The following SHROOM4 variants were observed in gnomAD, a reference collection of about 807,000 sequenced individuals.
SHROOM4 encodes the protein shroom family member 4, also known as protein Shroom4.
SHROOM4 carries 17 observed loss-of-function variants against 80.3 expected under a neutral mutation model. The ratio of observed to expected loss-of-function variants is 0.21; its 90% CI spans 0.14 to 0.32. The LOEUF (loss-of-function observed/expected upper bound fraction) is 0.32, where lower values mean the gene tolerates loss of function less well. Among genes scored for constraint, SHROOM4 ranks in the 10% least tolerant of loss-of-function variants. The pLI is 1.00. For missense variants in SHROOM4, 993 were observed against 1,140.3 expected (o/e 0.87, Z 1.86); for synonymous variants, 400 against 437.5 (o/e 0.91, Z 1.07).
At position 50,590,381 on chromosome X, in the gene SHROOM4, G is replaced by C. The variant is rs1483218738; in HGVS notation, c.*6314C>G. On this transcript the variant is annotated 3_prime_UTR_variant, in exon 9 of 9. Coordinates refer to ENST00000376020, the MANE Select transcript of SHROOM4 (RefSeq NM_020717.5). ...CCTGCCTCAGCCTCCCGACTAGCTG[G>C]GACTACAGGCACCTGCCACCATGCC... Among the ~76,000 whole-genome samples the C allele has an allele frequency of 1.8e-5, 2 of 110,988 alleles. No homozygotes were observed. The highest frequency in any genetic ancestry group is 6.6e-5 in the African/African-American group (2 of 30,447).
chrX:50,642,529 A>T (rs1293475309), intron 2 of SHROOM4, among the ~76,000 whole-genome samples: 1 of 111,882 alleles, frequency 8.9e-6, no homozygotes, highest in Non-Finnish European at 1.9e-5. Context: ...ACTCATAGCT[A>T]ACTGCAACCT....
intron 1 of SHROOM4, among the ~76,000 whole-genome samples, chrX:50,779,825 G>T (rs1487615520): frequency 8.9e-6 from 1 of 111,798 alleles, no homozygotes; most frequent in African/African-American, 3.3e-5. Context: ...ATAATGCTTG[G>T]GATTAGGGCC....
At chrX:50,781,610 A>G (rs782218850) in intron 1 of SHROOM4, among the ~76,000 whole-genome samples, 1 of 110,665 alleles carries the variant, frequency 9.0e-6, no homozygotes, top group Non-Finnish European at 1.9e-5. Flanking sequence ...GCTCCAAGCT[A>G]TCAGCTCCGA....
intron 1 of SHROOM4, among the ~76,000 whole-genome samples, chrX:50,728,797 G>C (rs782753317): frequency 8.9e-6 from 1 of 111,993 alleles, no homozygotes. Flanking sequence ...AAAGTAAAGA[G>C]TCTAACTGAC....
Position 50,588,936 on chromosome X carries a change from G to C in SHROOM4, c.*7759C>G, listed in dbSNP as rs1928810194. 8.9e-6 allele frequency among the ~76,000 whole-genome samples: 1 copy of C among 111,962 alleles called. No homozygotes were observed. Among genetic ancestry groups the C allele is most frequent in the Admixed American group, 9.5e-5 (1 of 10,539 alleles). The stretch of plus-strand genomic sequence containing the variant: ...ATTAAGGTGACACAGTAAATTGGTA[G>C]AATCAGGATTTAAAACTTGGTTTAT... On this transcript the variant is annotated 3_prime_UTR_variant, in exon 9 of 9. Transcript: ENST00000376020.
Position 50,589,277 on chromosome X carries a change from T to G in SHROOM4, c.*7418A>C, listed in dbSNP as rs1451886928. On this transcript the variant is annotated 3_prime_UTR_variant, in exon 9 of 9. Coordinates refer to ENST00000376020, the MANE Select transcript of SHROOM4 (RefSeq NM_020717.5). ...CTGATGGAAATAATCAATAGCTTTT[T>G]TAAAAAAACACACTTATTGAGAAAT... 8.9e-6 allele frequency among the ~76,000 whole-genome samples: 1 copy of G among 112,127 alleles called. No individual in the cohort carries two copies. Among genetic ancestry groups the G allele is most frequent in the Non-Finnish European group, 1.9e-5 (1 of 53,236 alleles).
At chrX:50,733,245 T>C (rs1934410406) in intron 1 of SHROOM4, among the ~76,000 whole-genome samples, 1 of 112,004 alleles carries the variant, frequency 8.9e-6, no homozygotes, top group East Asian at 2.8e-4. Context: ...TAACATGGAA[T>C]AGAAGAGAAC....
At chrX:50,813,234 G>A (rs1936386787) in intron 1 of SHROOM4, among the ~76,000 whole-genome samples, 1 of 111,298 alleles carries the variant, frequency 9.0e-6, no homozygotes, top group Non-Finnish European at 1.9e-5. Context: ...GCGCTCCATG[G>A]CGCAAGTTTC....
At chrX:50,730,782 GAAA>G (rs11352904) in intron 1 of SHROOM4, among the ~76,000 whole-genome samples, 3 of 96,946 alleles carry the variant, frequency 3.1e-5, no homozygotes, top group South Asian at 4.9e-4. Flanking sequence ...CTCAGAAAAA[GAAA>G]AAAAAAAAAA....
At chrX:50,769,421 C>T (rs1378177510) in intron 1 of SHROOM4, among the ~76,000 whole-genome samples, 1 of 111,947 alleles carries the variant, frequency 8.9e-6, no homozygotes, top group South Asian at 3.8e-4. Flanking sequence ...AATCATTAGG[C>T]GTCGCAGGCC....
At chrX:50,641,026 A>C (rs1323370981) in intron 2 of SHROOM4, among the ~76,000 whole-genome samples, 2 of 112,558 alleles carry the variant, frequency 1.8e-5, no homozygotes, top group African/African-American at 6.5e-5. Flanking sequence ...AATCATAGTT[A>C]TGACTATGAC....
intron 1 of SHROOM4, among the ~76,000 whole-genome samples, chrX:50,813,160 TGGCGGC>T (rs781798597): frequency 2.9e-5 from 3 of 101,996 alleles, no homozygotes; most frequent in Non-Finnish European, 6.0e-5. Flanking sequence ...GCGGCGGCAG[TGGCGGC>T]GGCGGCGGCG....
intron 2 of SHROOM4, among the ~76,000 whole-genome samples, chrX:50,669,487 G>C (rs1557260617): frequency 9.1e-6 from 1 of 110,496 alleles, no homozygotes; most frequent in Non-Finnish European, 1.9e-5. Flanking sequence ...TTTTTGTAGA[G>C]TTGGGGTTTC....
At chrX:50,682,562 C>A (rs1932965919) in intron 2 of SHROOM4, among the ~76,000 whole-genome samples, 1 of 111,565 alleles carries the variant, frequency 9.0e-6, no homozygotes, top group Non-Finnish European at 1.9e-5. Flanking sequence ...TGTTACGATT[C>A]TAGATAGAGG....
At chrX:50,605,482 C>A (rs976531331) in intron 6 of SHROOM4, among the ~76,000 whole-genome samples, 6 of 112,523 alleles carry the variant, frequency 5.3e-5, no homozygotes, top group Non-Finnish European at 7.5e-5. Context: ...AAAAATAAAT[C>A]TCTGGAGCAA....
intron 1 of SHROOM4, among the ~76,000 whole-genome samples, chrX:50,766,957 C>T (rs191792804): frequency 9.0e-6 from 1 of 111,694 alleles, no homozygotes; most frequent in East Asian, 2.8e-4. Context: ...TGAAAAGCCT[C>T]ATTAAATAAA....
intron 1 of SHROOM4, among the ~76,000 whole-genome samples, chrX:50,769,406 G>A (rs1935350727): frequency 8.9e-6 from 1 of 112,084 alleles, no homozygotes; most frequent in South Asian, 3.7e-4. Flanking sequence ...CAGTTCATAG[G>A]CCTGAATCAT....
intron 1 of SHROOM4, among the ~76,000 whole-genome samples, chrX:50,810,705 C>T (rs1569549417): frequency 2.7e-5 from 3 of 111,968 alleles, no homozygotes; most frequent in Admixed American, 9.5e-5. Context: ...AGATACATCC[C>T]TGAAAGTTAT....
At chrX:50,766,405 A>T (rs1935278294) in intron 1 of SHROOM4, among the ~76,000 whole-genome samples, 1 of 108,422 alleles carries the variant, frequency 9.2e-6, no homozygotes, top group Admixed American at 9.9e-5. Context: ...TGCCTCATTT[A>T]AAAAAAAAAC....
Sources: gnomAD v4.1 joint callset for allele counts (sites outside exome capture counted in the v4.1 genomes callset) on GRCh38, gnomAD v4.1.1 for gene constraint, MANE v1.5 for transcripts, NCBI Gene and HGNC (gene_info 2026-07-23, HGNC 2026-07-21) for gene names.